Variants in NHSL1 observed in about 807,000 individuals in gnomAD.
The protein encoded by NHSL1 is NHS-like protein 1.
In NHSL1, 48 loss-of-function variants were observed where a neutral mutation model predicts 95.0. The ratio of observed to expected loss-of-function variants is 0.51; its 90% CI spans 0.40 to 0.64. The LOEUF is 0.64. NHSL1 is among the 30% of genes least tolerant of loss of function. The pLI is 0.00. For synonymous variants in NHSL1, 783 were observed against 833.9 expected (o/e 0.94, Z 1.05); for missense variants, 1,971 against 2,077.7 (o/e 0.95, Z 1.00).
chr6:138,459,794 A>G (rs566422855), intron 3 of NHSL1, among the ~76,000 whole-genome samples: 6 of 152,308 alleles, frequency 3.9e-5, no homozygotes, highest in African/African-American at 1.2e-4. Flanking sequence ...TAACTTGTCA[A>G]TATCTACAGT....
chr6:138,480,500 G>A (rs1779354106), intron 2 of NHSL1, among the ~76,000 whole-genome samples: 1 of 152,176 alleles, frequency 6.6e-6, no homozygotes, highest in South Asian at 2.1e-4. Context: ...CGGTAGGCCA[G>A]TTGTCATTTT....
intron 1 of NHSL1, among the ~76,000 whole-genome samples, chr6:138,567,302 A>G (rs76880381): frequency 0.032 from 4,783 of 151,640 alleles, 104 homozygotes; most frequent in South Asian, 0.054. Context: ...TACTTTTTCT[A>G]TTTTTTTGTA....
At chr6:138,634,679 A>C (rs925815700) in intron 1 of NHSL1, among the ~76,000 whole-genome samples, 1 of 152,192 alleles carries the variant, frequency 6.6e-6, no homozygotes, top group African/African-American at 2.4e-5. Context: ...CTTAATCTGC[A>C]CTGTAGACCA....
At chr6:138,645,510 C>CT (rs746425752) in intron 1 of NHSL1, among the ~76,000 whole-genome samples, 2,567 of 137,872 alleles carry the variant, frequency 0.019, 36 homozygotes, top group East Asian at 0.077. Flanking sequence ...TTTCTTTTTT[C>CT]TTTTTTTTTT....
chr6:138,665,850 C>T (rs1163637505), intron 1 of NHSL1, among the ~76,000 whole-genome samples: 1 of 152,192 alleles, frequency 6.6e-6, no homozygotes, highest in African/African-American at 2.4e-5. Flanking sequence ...TAACCACAAG[C>T]TTTACTCCCG....
At chr6:138,481,701 AT>A (rs1397630018) in intron 2 of NHSL1, among the ~76,000 whole-genome samples, 1 of 152,148 alleles carries the variant, frequency 6.6e-6, no homozygotes, top group Non-Finnish European at 1.5e-5. Flanking sequence ...TAGACTAATG[AT>A]TTATTCTTTT....
Position 138,545,477 on chromosome 6 carries a change from C to T in NHSL1, c.16+146G>A, listed in dbSNP as rs1042268708. 3.7e-5 allele frequency: 18 copies of T among 482,830 alleles called. No homozygotes were observed. In the Admixed American group the frequency reaches 5.0e-4, roughly 14 times the overall value. The allele number at this position is 482,830 out of a possible 1,614,324, so 29.9% of individuals were successfully genotyped here. Reference sequence around the variant, plus strand: ...TCTTCCTGTTTGCAACAAAAAAGAACAATGACTTTTTCACTTTCATACTTA... The same window carrying T: ...TCTTCCTGTTTGCAACAAAAAAGAATAATGACTTTTTCACTTTCATACTTA... On this transcript the variant is annotated intron_variant, in intron 1 of 4. Transcript: ENST00000342260.
intron 1 of NHSL1, among the ~76,000 whole-genome samples, chr6:138,621,245 T>A (rs543959745): frequency 6.6e-6 from 1 of 152,216 alleles, no homozygotes; most frequent in Non-Finnish European, 1.5e-5. Flanking sequence ...AAACTGTCTA[T>A]AATAAGTATG....
upstream of NHSL1, among the ~76,000 whole-genome samples, chr6:138,502,079 G>C (rs1343591483): frequency 6.6e-6 from 1 of 152,088 alleles, no homozygotes; most frequent in Non-Finnish European, 1.5e-5. Flanking sequence ...GGTAAACCTG[G>C]GGGAGAATGC....
intron 2 of NHSL1, among the ~76,000 whole-genome samples, chr6:138,485,733 T>C (rs80012493): frequency 0.012 from 1,885 of 152,324 alleles, 50 homozygotes; most frequent in African/African-American, 0.043. Context: ...CTTTTCTTTT[T>C]CTCAATAGGG....
At chr6:138,515,759 T>C (rs1781432291) in intron 1 of NHSL1, among the ~76,000 whole-genome samples, 1 of 152,210 alleles carries the variant, frequency 6.6e-6, no homozygotes, top group Non-Finnish European at 1.5e-5. Flanking sequence ...GTTAATAGTA[T>C]CGGGGAAAAC....
At chr6:138,513,830 G>T (rs1781339979) in intron 1 of NHSL1, among the ~76,000 whole-genome samples, 2 of 152,132 alleles carry the variant, frequency 1.3e-5, no homozygotes, top group Admixed American at 1.3e-4. Flanking sequence ...TTTGTTCAAT[G>T]ACTAATTTGT....
chr6:138,482,862 G>A (rs1277502131), intron 2 of NHSL1, among the ~76,000 whole-genome samples: 1 of 152,178 alleles, frequency 6.6e-6, no homozygotes, highest in Non-Finnish European at 1.5e-5. Context: ...TTAGCTGCCT[G>A]ATTAAACAAA....
At chr6:138,574,672 CAAAA>C (rs1193555851), upstream of NHSL1, among the ~76,000 whole-genome samples, 48 of 80,332 alleles carry the variant, frequency 6.0e-4, no homozygotes, top group African/African-American at 2.8e-3. Context: ...ACAAATAATG[CAAAA>C]AAAAAAAAAA....
chr6:138,487,182 T>C (rs546334741), intron 2 of NHSL1, among the ~76,000 whole-genome samples: 1 of 152,220 alleles, frequency 6.6e-6, no homozygotes, highest in Admixed American at 6.5e-5. Flanking sequence ...ATTCTGCAGA[T>C]GAGATGAGAC....
At chr6:138,515,008 G>A (rs936511478) in intron 1 of NHSL1, among the ~76,000 whole-genome samples, 1 of 151,988 alleles carries the variant, frequency 6.6e-6, no homozygotes, top group Non-Finnish European at 1.5e-5. Context: ...GTGTCTACAT[G>A]ATGAGATACC....
At chr6:138,444,267 T>A (rs1274509867) in intron 4 of NHSL1, among the ~76,000 whole-genome samples, 1 of 151,182 alleles carries the variant, frequency 6.6e-6, no homozygotes, top group Admixed American at 6.6e-5. Flanking sequence ...TAAACTCTTT[T>A]AAATTAAAAA....
At chr6:138,653,624 T>C (rs1027007693) in intron 1 of NHSL1, among the ~76,000 whole-genome samples, 1 of 152,162 alleles carries the variant, frequency 6.6e-6, no homozygotes, top group African/African-American at 2.4e-5. Flanking sequence ...ACTTATTTTG[T>C]GAAATGCCAC....
In NHSL1 at chr6:138,511,399, A is replaced by AGAGAGT. The variant is rs1362073147; in HGVS notation, c.17-15029_17-15028insACTCTC. Among the ~76,000 whole-genome samples the AGAGAGT allele has an allele frequency of 2.1e-5, 3 of 145,288 alleles. No individual in the cohort carries two copies. The East Asian group carries it at 6.9e-4, about 33-fold the overall frequency. ...AAAAACCACTGAGAGAGAGAGAGAG[A>AGAGAGT]GTGTGTGTGTGTATGTGTGTGTGTG... On this transcript the variant is annotated intron_variant, in intron 1 of 4. Transcript: ENST00000342260.
Sources: gnomAD v4.1 joint callset for allele counts (sites outside exome capture counted in the v4.1 genomes callset) on GRCh38, gnomAD v4.1.1 for gene constraint, MANE v1.5 for transcripts, NCBI Gene and HGNC (gene_info 2026-07-23, HGNC 2026-07-21) for gene names.